The following SLCO1B1 variants were observed in gnomAD, a reference collection of about 807,000 sequenced individuals.
SLCO1B1 encodes the protein OATP-2.
SLCO1B1 carries 81 observed loss-of-function variants against 70.1 expected under a neutral mutation model. The observed-to-expected ratio is 1.16, with a 90% CI of 0.97 to 1.39. SLCO1B1 has a LOEUF of 1.39. Among genes scored for constraint, SLCO1B1 ranks in the 40% most tolerant of loss-of-function variants. The pLI, the probability that SLCO1B1 is intolerant of heterozygous loss-of-function variation, is 0.00. For missense variants in SLCO1B1, 895 were observed against 799.6 expected (o/e 1.12, Z -1.44); for synonymous variants, 283 against 271.5 (o/e 1.04, Z -0.42).
At chr12:21,164,385 T>C (rs530250543) in intron 2 of SLCO1B1, among the ~76,000 whole-genome samples, 1 of 152,264 alleles carries the variant, frequency 6.6e-6, no homozygotes, top group African/African-American at 2.4e-5. Flanking sequence ...AATCAGAATT[T>C]ACATTTTCTA....
At chr12:21,214,142 T>C (rs908564696) in intron 11 of SLCO1B1, among the ~76,000 whole-genome samples, 9 of 152,186 alleles carry the variant, frequency 5.9e-5, no homozygotes, top group African/African-American at 1.9e-4. Flanking sequence ...GGTGCTCTGC[T>C]TTCTATAGTT....
At chr12:21,202,046 T>A (rs933120953) in intron 9 of SLCO1B1, among the ~76,000 whole-genome samples, 4 of 152,072 alleles carry the variant, frequency 2.6e-5, no homozygotes, top group Non-Finnish European at 5.9e-5. Flanking sequence ...AGAATGAGTT[T>A]ATGTCCTTTG....
At chr12:21,156,905 A>G (rs1940551235) in intron 2 of SLCO1B1, among the ~76,000 whole-genome samples, 1 of 152,176 alleles carries the variant, frequency 6.6e-6, no homozygotes, top group South Asian at 2.1e-4. Context: ...CTGTGAATGA[A>G]TTTAAGTTTC....
chr12:21,143,300 T>G (rs1020779523), intron 2 of SLCO1B1, among the ~76,000 whole-genome samples: 19 of 152,188 alleles, frequency 1.2e-4, no homozygotes, highest in Non-Finnish European at 2.2e-4. Flanking sequence ...ATATATTGAC[T>G]TTTACTTTCA....
At chr12:21,131,792 A>G (rs1418566250) in intron 1 of SLCO1B1, among the ~76,000 whole-genome samples, 1 of 152,128 alleles carries the variant, frequency 6.6e-6, no homozygotes, top group Non-Finnish European at 1.5e-5. Flanking sequence ...ATTTATCTCC[A>G]ATTAAATAAG....
intron 4 of SLCO1B1, among the ~76,000 whole-genome samples, chr12:21,175,770 G>T (rs112098420): frequency 5.3e-5 from 8 of 151,538 alleles, no homozygotes; most frequent in Non-Finnish European, 7.4e-5. Flanking sequence ...GCACCATACC[G>T]TCAGAGTCCT....
rs1332472022 is a variant in SLCO1B1, at chr12:21,239,072, G to A, written c.1959G>A (p.Glu653=). ...ATGCCATGAAGAAAAAATATCAAGA[G>A]AAAGATATCAATGCATCAGAAAATG... is the stretch of plus-strand genomic sequence containing the variant. The part of the protein sequence containing the change: ...LIYAMKKKYQ[E]KDINASENGS... The change falls in exon 15 of 15, where the codon GAG becomes GAA. Residue 653 remains glutamate (E), a synonymous_variant. Transcript: ENST00000256958. 8 of 1,596,318 alleles carry A rather than the reference G, an allele frequency of 5.0e-6. No individual in the cohort carries two copies. The East Asian group carries it at 1.8e-4, about 36-fold the overall frequency.
rs1474416116 is a variant in SLCO1B1 at position 21,141,510 on chromosome 12, A to G, written c.-61-4A>G. 3.3e-6 allele frequency: 3 copies of G among 919,576 alleles called. No homozygotes were observed. In the Admixed American group the frequency reaches 5.2e-5, roughly 16 times the overall value. 57.0% of individuals were successfully genotyped at this position (919,576 alleles called of 1,614,324 possible). On this transcript the variant is annotated splice_polypyrimidine_tract_variant and splice_region_variant and intron_variant, in intron 1 of 14. Coordinates refer to ENST00000256958, the MANE Select transcript of SLCO1B1 (RefSeq NM_006446.5). ...AATAAACTATACTTTTTCTTCCTTA[A>G]TAGGTGATTGTTTCAAACTGAGCAT... is the stretch of plus-strand genomic sequence containing the variant.
chr12:21,158,191 A>G (rs904823340), intron 2 of SLCO1B1, among the ~76,000 whole-genome samples: 1 of 152,186 alleles, frequency 6.6e-6, no homozygotes, highest in Non-Finnish European at 1.5e-5. Context: ...CCAACTTCTT[A>G]TCATTCCTAA....
chr12:21,139,740 A>G (rs780291303), intron 1 of SLCO1B1, among the ~76,000 whole-genome samples: 2 of 152,274 alleles, frequency 1.3e-5, no homozygotes, highest in Non-Finnish European at 2.9e-5. Context: ...TTGAGCTGCC[A>G]TGTTCCCAAC....
chr12:21,172,847 G>T, intron 3 of SLCO1B1, 56 bp downstream of exon 3: 1 of 1,476,984 alleles, frequency 6.8e-7, no homozygotes, highest in Non-Finnish European at 9.3e-7. Flanking sequence ...AAATATATAT[G>T]CTTTACACCA....
chr12:21,161,583 G>A (rs973033546), intron 2 of SLCO1B1, among the ~76,000 whole-genome samples: 1 of 152,098 alleles, frequency 6.6e-6, no homozygotes, highest in African/African-American at 2.4e-5. Context: ...CTTAATACCT[G>A]AGTGATGAAA....
At chr12:21,150,909 A>G (rs1430432655) in intron 2 of SLCO1B1, among the ~76,000 whole-genome samples, 1 of 152,188 alleles carries the variant, frequency 6.6e-6, no homozygotes, top group Non-Finnish European at 1.5e-5. Flanking sequence ...TCAATCTTTT[A>G]ATTAATACAT....
chr12:21,232,711 CAGAA>C (rs1186383852), intron 14 of SLCO1B1, among the ~76,000 whole-genome samples: 167 of 126,146 alleles, frequency 1.3e-3, no homozygotes, highest in Admixed American at 6.5e-3. Flanking sequence ...GAGAGAGAGA[CAGAA>C]AGACAGAGAG....
At chr12:21,204,138 G>GT (rs1217271490) in intron 10 of SLCO1B1, among the ~76,000 whole-genome samples, 2 of 151,086 alleles carry the variant, frequency 1.3e-5, no homozygotes, top group South Asian at 2.1e-4. Context: ...ACTGGGATAA[G>GT]TTTTTTTTTA....
At chr12:21,163,159 C>A (rs1272765853) in intron 2 of SLCO1B1, among the ~76,000 whole-genome samples, 3 of 152,062 alleles carry the variant, frequency 2.0e-5, no homozygotes, top group Non-Finnish European at 4.4e-5. Flanking sequence ...TTTAATTATA[C>A]TTATTTACTT....
intron 3 of SLCO1B1, among the ~76,000 whole-genome samples, chr12:21,174,317 A>G (rs1020516042): frequency 6.6e-6 from 1 of 152,194 alleles, no homozygotes; most frequent in Non-Finnish European, 1.5e-5. Context: ...TCATTCCAGT[A>G]TAATCCAGTC....
At chr12:21,202,458 A>G in intron 9 of SLCO1B1, 33 bp from the exon 10 acceptor site, 1 of 1,395,974 alleles carries the variant, frequency 7.2e-7, no homozygotes. Flanking sequence ...GAAAACTCAT[A>G]TATGATTACA....
Position 21,217,269 on chromosome 12 carries a change from C to A in SLCO1B1, c.1648C>A (p.Leu550Ile). The change falls in exon 12 of 15, where the codon CTT becomes ATT. Residue 550 changes from leucine (L) to isoleucine (I), a missense_variant. By Grantham distance (5) the Leu-to-Ile change is conservative. Transcript: ENST00000256958. ...AGTCTTGAATTTATTTTTCTCTGCA[C>A]TTGGAGGCACCTCACATGTCATGCT... ...IQVLNLFFSA[L>I]GGTSHVMLIV... The A allele has an allele frequency of 1.2e-6, 2 of 1,613,694 alleles. No homozygotes were observed. Among genetic ancestry groups the A allele is most frequent in the Middle Eastern group, 3.3e-4 (2 of 6,056 alleles).
Sources: gnomAD v4.1 joint callset for allele counts (sites outside exome capture counted in the v4.1 genomes callset) on GRCh38, gnomAD v4.1.1 for gene constraint, MANE v1.5 for transcripts, NCBI Gene and HGNC (gene_info 2026-07-23, HGNC 2026-07-21) for gene names.